The following PTPRB variants were observed in gnomAD, a reference collection of about 807,000 sequenced individuals.
The protein encoded by PTPRB is receptor-type tyrosine-protein phosphatase beta.
PTPRB carries 97 observed loss-of-function variants against 238.1 expected under a neutral mutation model. The observed-to-expected ratio is 0.41, with a 90% CI of 0.35 to 0.48. The LOEUF (loss-of-function observed/expected upper bound fraction) is 0.48, where lower values mean the gene tolerates loss of function less well. PTPRB is among the 20% of genes least tolerant of loss of function. PTPRB has a pLI of 0.30. For missense variants in PTPRB, 2,292 were observed against 2,681.9 expected, an observed-to-expected ratio of 0.85 and a Z score of 3.21; for synonymous variants, 970 against 995.4, an observed-to-expected ratio of 0.97 and a Z score of 0.48.
rs2136188870 is a variant in PTPRB at position 70,520,960 on chromosome 12, T to A, written c.*529A>T. The A allele has an allele frequency of 6.6e-6, 1 of 152,576 alleles. No homozygotes were observed. The highest frequency in any genetic ancestry group is 1.5e-5 in the Non-Finnish European group (1 of 68,226). 9.5% of individuals were successfully genotyped at this position (152,576 alleles called of 1,614,324 possible). On this transcript the variant is annotated 3_prime_UTR_variant, in exon 34 of 34. Coordinates refer to ENST00000334414, the MANE Select transcript of PTPRB (RefSeq NM_001109754.4). Reference sequence around the variant, plus strand: ...CTTAATTCTTTTTTCTCCCTCCCTCTAATCCTTTTTTTGACTGTCACATTT... The same window carrying A: ...CTTAATTCTTTTTTCTCCCTCCCTCAAATCCTTTTTTTGACTGTCACATTT...
At chr12:70,590,781 TG>T (rs1882411523) in intron 7 of PTPRB, among the ~76,000 whole-genome samples, 1 of 151,916 alleles carries the variant, frequency 6.6e-6, no homozygotes, top group South Asian at 2.1e-4. Flanking sequence ...GGCTTCCGGT[TG>T]TATGTTCTGT....
At chr12:70,589,410 A>C (rs972256147) in intron 8 of PTPRB, among the ~76,000 whole-genome samples, 2 of 152,232 alleles carry the variant, frequency 1.3e-5, no homozygotes, top group Admixed American at 1.3e-4. Context: ...TGACAATATG[A>C]GTACAAGTAT....
chr12:70,592,647 T>C, intron 6 of PTPRB, 102 bp from the exon 7 acceptor site: 1 of 1,263,194 alleles, frequency 7.9e-7, no homozygotes, highest in Non-Finnish European at 1.1e-6. Context: ...CCACATTCCT[T>C]GCTCTGGAGA....
chr12:70,633,192 A>G (rs1885530841), intron 2 of PTPRB, among the ~76,000 whole-genome samples: 2 of 152,218 alleles, frequency 1.3e-5, no homozygotes. Context: ...CATTGCAAAC[A>G]TATGAATGCA....
At chr12:70,585,423 C>T (rs1881801552) in intron 9 of PTPRB, 1 of 152,174 alleles carries the variant, frequency 6.6e-6, no homozygotes, top group Admixed American at 6.5e-5. Context: ...ACCCAAATCT[C>T]ATCTTGAATT....
intron 4 of PTPRB, 25 bp from the exon 5 acceptor site, chr12:70,596,352 CACAAA>C: frequency 8.4e-7 from 1 of 1,196,942 alleles, no homozygotes; most frequent in Non-Finnish European, 1.0e-6. Context: ...CACACACACA[CACAAA>C]AAAAAAAAAG....
chr12:70,535,204 C>T (rs1456008169), intron 29 of PTPRB, among the ~76,000 whole-genome samples: 1 of 147,596 alleles, frequency 6.8e-6, no homozygotes, highest in African/African-American at 2.5e-5. Flanking sequence ...ATTTTTTAGG[C>T]CCAGTAATAT....
At chr12:70,585,285 T>A (rs1354538429) in intron 9 of PTPRB, 1 of 152,166 alleles carries the variant, frequency 6.6e-6, no homozygotes, top group Non-Finnish European at 1.5e-5. Flanking sequence ...ATGACTTTGC[T>A]TCCAATTACA....
Position 70,571,248 on chromosome 12 carries a change from T to G in PTPRB, c.3148A>C (p.Thr1050Pro), listed in dbSNP as rs1197268201. ...VKDLTLRNRS[T>P]EDLHVTWSGA... is the part of the protein sequence containing the mutation. ...GACCAAGTCACATGCAAGTCCTCAG[T>G]GCTCCTGTTGCGCAATGTTAGATCC... is the stretch of plus-strand genomic sequence containing the variant. The change falls in exon 13 of 34, where the codon ACT becomes CCT. Residue 1050 changes from threonine (T) to proline (P), a missense_variant. Thr to Pro is a conservative substitution (Grantham distance 38, BLOSUM62 -1). Coordinates refer to ENST00000334414, the MANE Select transcript of PTPRB (RefSeq NM_001109754.4). The G allele has an allele frequency of 6.2e-7, 1 of 1,610,014 alleles. No individual in the cohort carries two copies. Among genetic ancestry groups the G allele is most frequent in the East Asian group, 2.2e-5 (1 of 44,850 alleles).
At position 70,635,759 on chromosome 12, in the gene PTPRB, C is replaced by G; in HGVS notation, c.363G>C (p.Lys121Asn). ...AGCTATGGAGGTATTTCCTGGCCTT[C>G]TTGACCACTACTCTGGAGCCTTGTT... ...LQKQGSRVVV[K>N]KARKYLHSWM... The change falls in exon 2 of 34, where the codon AAG (lysine) becomes AAC (asparagine). Residue 121 changes from lysine (K) to asparagine (N), a missense_variant. By Grantham distance (94) the Lys-to-Asn change is moderately conservative (BLOSUM62 0). Around this residue, in one of 4 missense-constraint regions of PTPRB, gnomAD observed 1,205 missense variants for 1,287.8 expected, o/e 0.94. Transcript: ENST00000334414. The G allele has an allele frequency of 6.2e-7, 1 of 1,613,922 alleles. No individual in the cohort carries two copies. Among genetic ancestry groups the G allele is most frequent in the Non-Finnish European group, 8.5e-7 (1 of 1,179,870 alleles).
chr12:70,535,596 A>T (rs1227393314), intron 29 of PTPRB, among the ~76,000 whole-genome samples: 1 of 152,164 alleles, frequency 6.6e-6, no homozygotes, highest in African/African-American at 2.4e-5. Context: ...TGGTAAGTGC[A>T]TTACAAGGGG....
intron 9 of PTPRB, among the ~76,000 whole-genome samples, chr12:70,582,627 CCTT>C (rs1881503185): frequency 6.7e-6 from 1 of 149,700 alleles, no homozygotes; most frequent in South Asian, 2.1e-4. Context: ...AAGAAAAAAA[CCTT>C]CACCTATATC....
chr12:70,529,392 A>G (rs184344526), intron 32 of PTPRB, among the ~76,000 whole-genome samples: 10 of 152,288 alleles, frequency 6.6e-5, no homozygotes, highest in Admixed American at 5.2e-4. Context: ...AAATACACAC[A>G]GTTTGAGACT....
At chr12:70,606,465 T>G (rs756618732) in intron 4 of PTPRB, among the ~76,000 whole-genome samples, 1 of 152,220 alleles carries the variant, frequency 6.6e-6, no homozygotes, top group Non-Finnish European at 1.5e-5. Context: ...GCCAGTCACA[T>G]TTGGAATGAT....
At chr12:70,581,555 T>C (rs1881398560) in intron 9 of PTPRB, among the ~76,000 whole-genome samples, 1 of 152,118 alleles carries the variant, frequency 6.6e-6, no homozygotes, top group Non-Finnish European at 1.5e-5. Flanking sequence ...GATGCATGCT[T>C]ATTAAGTGGT....
intron 17 of PTPRB, 120 bp from the exon 18 acceptor site, chr12:70,559,744 A>T (rs1056139834): frequency 4.1e-6 from 4 of 964,966 alleles, no homozygotes; most frequent in Admixed American, 5.3e-5. Flanking sequence ...AGATAATATG[A>T]TAATAATATA....
chr12:70,597,041 C>A lies in PTPRB; in HGVS notation c.980-714G>T, dbSNP rs148412612. Among the ~76,000 whole-genome samples, 1,138 of 152,106 alleles carry A rather than the reference C, an allele frequency of 7.5e-3. 8 individuals carry two copies. Among genetic ancestry groups the A allele is most frequent in the African/African-American group, 0.026 (1,065 of 41,454 alleles). On this transcript the variant is annotated intron_variant, in intron 4 of 33. Transcript: ENST00000334414. ...CAAGCAATTCTTCTGCCTCAGTTTC[C>A]CGAGTAGCTGGGATTACAGGCACAC...
rs545722795 is a variant in PTPRB at position 70,609,057 on chromosome 12, G to C, written c.979+12C>G. 20 of 1,613,294 alleles carry C rather than the reference G, an allele frequency of 1.2e-5. No individual in the cohort carries two copies. The highest frequency in any genetic ancestry group is 1.2e-4 in the African/African-American group (9 of 75,034). ...GTGGCTTGGCCATCCAATTGCACCT[G>C]TCATCCTTTACCTGTTTGCAAGACC... On this transcript the variant is annotated intron_variant, in intron 4 of 33. Coordinates refer to ENST00000334414, the MANE Select transcript of PTPRB (RefSeq NM_001109754.4).
chr12:70,540,110 G>T (rs199777595), intron 23 of PTPRB, 88 bp from the exon 24 acceptor site: 1 of 1,119,826 alleles, frequency 8.9e-7, no homozygotes, highest in Non-Finnish European at 1.3e-6. Flanking sequence ...GTGGATGTTT[G>T]TGCAAATATG....
Sources: allele counts gnomAD v4.1 joint callset (sites outside exome capture counted in the v4.1 genomes callset), GRCh38; gene constraint gnomAD v4.1.1; regional missense constraint gnomAD v4.1.1; transcripts MANE v1.5; gene names NCBI Gene and HGNC (gene_info 2026-07-23, HGNC 2026-07-21).